The following DNAJC24 variants were observed in gnomAD, a reference collection of about 807,000 sequenced individuals.
DNAJC24 encodes the protein DnaJ heat shock protein family (Hsp40) member C24, also known as dnaJ homolog subfamily C member 24.
DNAJC24 carries 17 observed loss-of-function variants against 18.0 expected under a neutral mutation model. The observed-to-expected ratio is 0.94, with a 90% confidence interval of 0.65 to 1.42. The LOEUF is 1.42. DNAJC24 is among the 40% of genes most tolerant of loss of function. The pLI, the probability that DNAJC24 is intolerant of heterozygous loss-of-function variation, is 0.00. For missense variants in DNAJC24, 158 were observed against 175.6 expected (o/e 0.90, Z 0.57); for synonymous variants, 55 against 57.7 (o/e 0.95, Z 0.21).
At chr11:31,371,335 TTTATGTTGA>T (rs1225602257) in intron 2 of DNAJC24, among the ~76,000 whole-genome samples, 4 of 152,318 alleles carry the variant, frequency 2.6e-5, no homozygotes, top group East Asian at 1.9e-4. Context: ...TTTAACAATT[TTTATGTTGA>T]TTATGTTGAT....
At position 31,431,371 on chromosome 11, in the gene DNAJC24, G is replaced by C. The variant is rs1030594715; in HGVS notation, c.*970G>C. The C allele has an allele frequency of 6.6e-6, 1 of 151,068 alleles. No homozygotes were observed. The highest frequency in any genetic ancestry group is 6.6e-5 in the Admixed American group (1 of 15,184). The allele number at this position is 151,068 out of a possible 1,614,324, so 9.4% of individuals were successfully genotyped here. On this transcript the variant is annotated 3_prime_UTR_variant, in exon 5 of 5. Coordinates refer to ENST00000465995, the MANE Select transcript of DNAJC24 (RefSeq NM_181706.5). ...TCATCATGTTGGCTAGGCTGGTCTT[G>C]AACTCCTGGCCTCAAATGATCCGCC...
intron 2 of DNAJC24, among the ~76,000 whole-genome samples, chr11:31,405,659 T>C (rs556271034): frequency 3.0e-4 from 46 of 152,134 alleles, no homozygotes; most frequent in Non-Finnish European, 1.2e-4. Flanking sequence ...AGTTCTGTGT[T>C]GCCCAGGCTG....
intron 2 of DNAJC24, among the ~76,000 whole-genome samples, chr11:31,379,507 C>T (rs1952354157): frequency 6.6e-6 from 1 of 152,100 alleles, no homozygotes; most frequent in Non-Finnish European, 1.5e-5. Context: ...GAATTTTTTT[C>T]TTAATTTAAC....
At chr11:31,406,040 A>G (rs1952654895) in intron 2 of DNAJC24, among the ~76,000 whole-genome samples, 1 of 152,118 alleles carries the variant, frequency 6.6e-6, no homozygotes. Context: ...CACAATGACA[A>G]TGAAATTTAA....
chr11:31,426,953 T>A (rs1449334860), intron 4 of DNAJC24: 3 of 152,188 alleles, frequency 2.0e-5, no homozygotes, highest in Non-Finnish European at 2.9e-5. Context: ...TCAATGTCGT[T>A]TCCCTATTCT....
At chr11:31,370,893 G>T in intron 2 of DNAJC24, 34 bp downstream of exon 2, 1 of 1,417,556 alleles carries the variant, frequency 7.1e-7, no homozygotes, top group South Asian at 1.3e-5. Flanking sequence ...AAATCATGAG[G>T]GGAAAAAAAT....
chr11:31,407,918 A>G (rs77506157), intron 2 of DNAJC24, among the ~76,000 whole-genome samples: 1 of 151,704 alleles, frequency 6.6e-6, no homozygotes, highest in African/African-American at 2.4e-5. Flanking sequence ...TTAAAAAAAA[A>G]AAAATAAACA....
At chr11:31,419,897 A>G (rs766725001) in intron 3 of DNAJC24, among the ~76,000 whole-genome samples, 3 of 152,066 alleles carry the variant, frequency 2.0e-5, no homozygotes, top group Non-Finnish European at 4.4e-5. Flanking sequence ...CACAACTACC[A>G]CAGTAGTCCA....
chr11:31,412,243 C>G (rs757155829), intron 2 of DNAJC24, among the ~76,000 whole-genome samples: 4 of 151,996 alleles, frequency 2.6e-5, no homozygotes, highest in Non-Finnish European at 5.9e-5. Context: ...CAGGCCTAAC[C>G]TCTTCTATTC....
Position 31,430,520 on chromosome 11 carries a change from T to C in DNAJC24, c.*119T>C, listed in dbSNP as rs1952911400. Reference sequence around the variant, plus strand: ...AGCCCGATTATTTGCAAAGAAAATATACAATTATCAAGCAGAGACCACCTC... The same window carrying C: ...AGCCCGATTATTTGCAAAGAAAATACACAATTATCAAGCAGAGACCACCTC... On this transcript the variant is annotated 3_prime_UTR_variant, in exon 5 of 5. Coordinates refer to ENST00000465995, the MANE Select transcript of DNAJC24 (RefSeq NM_181706.5). The C allele has an allele frequency of 2.4e-5, 19 of 803,564 alleles. No homozygotes were observed. The highest frequency in any genetic ancestry group is 1.2e-4 in the South Asian group (4 of 32,088). 49.8% of individuals were successfully genotyped at this position (803,564 alleles called of 1,614,324 possible). A position where few individuals can be genotyped will look rare whatever the true frequency, so the allele number is the denominator to read the frequency against.
chr11:31,394,063 G>A (rs1952522313), intron 2 of DNAJC24, among the ~76,000 whole-genome samples: 1 of 152,134 alleles, frequency 6.6e-6, no homozygotes. Flanking sequence ...AGGGCCAACA[G>A]CACTGTAACT....
intron 2 of DNAJC24, among the ~76,000 whole-genome samples, chr11:31,388,363 C>T (rs546175036): frequency 1.3e-3 from 194 of 152,216 alleles, no homozygotes; most frequent in African/African-American, 4.5e-3. Flanking sequence ...ATCCTAAAAG[C>T]AGCAAGAGAA....
chr11:31,407,653 C>G (rs1952667959), intron 2 of DNAJC24: 1 of 137,000 alleles, frequency 7.3e-6, no homozygotes, highest in Non-Finnish European at 1.5e-5. Context: ...CCATTACACT[C>G]CAGCCCAGAT....
At chr11:31,412,266 A>C (rs1952716937) in intron 2 of DNAJC24, among the ~76,000 whole-genome samples, 1 of 152,162 alleles carries the variant, frequency 6.6e-6, no homozygotes, top group South Asian at 2.1e-4. Context: ...TGTACCAAGC[A>C]GACTTCCTAT....
intron 4 of DNAJC24, among the ~76,000 whole-genome samples, chr11:31,428,691 G>A (rs1952889678): frequency 1.3e-5 from 2 of 152,178 alleles, no homozygotes; most frequent in African/African-American, 4.8e-5. Context: ...TTCAGATATT[G>A]AAGCTAATCT....
chr11:31,388,188 G>C (rs550192901), intron 2 of DNAJC24, among the ~76,000 whole-genome samples: 1 of 152,256 alleles, frequency 6.6e-6, no homozygotes. Flanking sequence ...GAGAGGCGTA[G>C]AAAGTTTATT....
chr11:31,386,865 C>T (rs957567698), intron 2 of DNAJC24, among the ~76,000 whole-genome samples: 1 of 152,186 alleles, frequency 6.6e-6, no homozygotes, highest in Admixed American at 6.5e-5. Context: ...GAGGAGCCCA[C>T]TGCCCTGAAG....
intron 2 of DNAJC24, among the ~76,000 whole-genome samples, chr11:31,387,674 G>A (rs1004281935): frequency 5.3e-5 from 8 of 152,140 alleles, no homozygotes; most frequent in Non-Finnish European, 1.2e-4. Flanking sequence ...TACAAAGACT[G>A]CAATAAATTC....
chr11:31,413,356 A>C (rs1591917512), intron 2 of DNAJC24, among the ~76,000 whole-genome samples: 2 of 106,088 alleles, frequency 1.9e-5, no homozygotes, highest in Admixed American at 1.3e-4. Context: ...TTTGAGACGG[A>C]GTCTTGCTCT....
Sources: gnomAD v4.1 joint callset for allele counts (sites outside exome capture counted in the v4.1 genomes callset) on GRCh38, gnomAD v4.1.1 for gene constraint, MANE v1.5 for transcripts, NCBI Gene and HGNC (gene_info 2026-07-23, HGNC 2026-07-21) for gene names.